The following COMMD1 variants were observed in gnomAD, a reference collection of about 807,000 sequenced individuals.
COMMD1 encodes COMM domain-containing protein 1.
In COMMD1, 10 loss-of-function variants were observed where a neutral mutation model predicts 17.2. That is an observed-to-expected ratio of 0.58 (90% confidence interval 0.36 to 0.99). The LOEUF is 0.99. COMMD1 is among the 50% of genes least tolerant of loss of function. COMMD1 has a pLI of 0.01. For missense variants in COMMD1, 270 were observed against 231.8 expected, an observed-to-expected ratio of 1.17 and a Z score of -1.07; for synonymous variants, 97 against 91.6, an observed-to-expected ratio of 1.06 and a Z score of -0.34.
intron 2 of COMMD1, among the ~76,000 whole-genome samples, chr2:62,040,921 G>A (rs1233356573): frequency 1.3e-5 from 2 of 152,286 alleles, no homozygotes; most frequent in Admixed American, 6.5e-5. Flanking sequence ...ATGTTGGCCA[G>A]GCTGGTCTCA....
chr2:62,048,379 G>A (rs557371144), intron 2 of COMMD1, among the ~76,000 whole-genome samples: 24 of 151,830 alleles, frequency 1.6e-4, no homozygotes, highest in East Asian at 1.5e-3. Flanking sequence ...TAGTAGAGAC[G>A]GGGTTTCACT....
At chr2:62,132,480 G>A (rs1164866352) in intron 2 of COMMD1, among the ~76,000 whole-genome samples, 1 of 152,024 alleles carries the variant, frequency 6.6e-6, no homozygotes, top group Non-Finnish European at 1.5e-5. Flanking sequence ...TTTTATCAAT[G>A]TCCTTAATAT....
intron 2 of COMMD1, among the ~76,000 whole-genome samples, chr2:62,029,910 A>C (rs905401798): frequency 6.6e-6 from 1 of 152,274 alleles, no homozygotes; most frequent in Non-Finnish European, 1.5e-5. Flanking sequence ...ATAGGAAAAA[A>C]GGCATACACA....
Position 61,892,511 on chromosome 2 carries a change from G to A in COMMD1, n.119+3669G>A, listed in dbSNP as rs749696112. On this transcript the variant is annotated intron_variant and non_coding_transcript_variant, in intron 1 of 2. Coordinates refer to the COMMD1 transcript ENST00000472729. ...GGATTGAGACCATCCTGGCTAACAC[G>A]GTGAAACCCTGTCTCTACTAAAAAT... Among the ~76,000 whole-genome samples the A allele has an allele frequency of 2.0e-5, 3 of 151,864 alleles. No individual in the cohort carries two copies. The South Asian group carries it at 6.2e-4, about 32-fold the overall frequency.
chr2:62,095,899 T>A (rs10169186), intron 2 of COMMD1, among the ~76,000 whole-genome samples: 2 of 140,318 alleles, frequency 1.4e-5, no homozygotes, highest in Admixed American at 7.2e-5. Flanking sequence ...GTATATATAA[T>A]CCTGTGTGTA....
rs146033793 is a variant in COMMD1, at chr2:62,031,205, T to G, written c.462+30223T>G. On this transcript the variant is annotated intron_variant, in intron 2 of 2. Coordinates refer to ENST00000311832, the MANE Select transcript of COMMD1 (RefSeq NM_152516.4). ...ACCAACTATTCCTTAAGTCCTCACATTAGTTAGACACAACCAGCCCCAATA... is the reference window on the plus strand; with the variant it reads ...ACCAACTATTCCTTAAGTCCTCACAGTAGTTAGACACAACCAGCCCCAATA... Among the ~76,000 whole-genome samples the G allele has an allele frequency of 3.8e-3, 574 of 152,324 alleles. 6 individuals are homozygous for G. The highest frequency in any genetic ancestry group is 0.013 in the African/African-American group (526 of 41,582).
At chr2:61,963,785 C>T (rs1276580879) in intron 1 of COMMD1, among the ~76,000 whole-genome samples, 1 of 152,184 alleles carries the variant, frequency 6.6e-6, no homozygotes, top group Non-Finnish European at 1.5e-5. Context: ...TCAGAATTGC[C>T]TTGCAGAGTC....
intron 1 of COMMD1, among the ~76,000 whole-genome samples, chr2:61,924,694 C>T (rs545445943): frequency 9.9e-5 from 15 of 152,274 alleles, no homozygotes; most frequent in African/African-American, 2.6e-4. Flanking sequence ...TGTAAAGTCC[C>T]GTTTCAGGCT....
chr2:61,998,922 G>A (rs533598082), intron 1 of COMMD1, among the ~76,000 whole-genome samples: 6 of 152,180 alleles, frequency 3.9e-5, no homozygotes, highest in Admixed American at 3.9e-4. Context: ...GTCTTCTATG[G>A]GCATGTTTCA....
chr2:61,911,281 C>G (rs1669899667), intron 1 of COMMD1, among the ~76,000 whole-genome samples: 1 of 151,952 alleles, frequency 6.6e-6, no homozygotes, highest in African/African-American at 2.4e-5. Flanking sequence ...TTGAGACCAG[C>G]CTGGCCAACA....
chr2:62,028,782 T>C (rs1471426746), intron 2 of COMMD1, among the ~76,000 whole-genome samples: 1 of 152,232 alleles, frequency 6.6e-6, no homozygotes, highest in Admixed American at 6.5e-5. Context: ...AAATATTTCC[T>C]GATTTTGTTC....
At chr2:61,998,285 C>T (rs1161609844) in intron 1 of COMMD1, among the ~76,000 whole-genome samples, 2 of 146,090 alleles carry the variant, frequency 1.4e-5, no homozygotes, top group African/African-American at 2.5e-5. Flanking sequence ...GAGAGTCTCA[C>T]TCTGTCCTCC....
At chr2:61,921,888 G>C (rs571512411) in intron 1 of COMMD1, among the ~76,000 whole-genome samples, 44 of 152,222 alleles carry the variant, frequency 2.9e-4, no homozygotes, top group African/African-American at 1.0e-3. Flanking sequence ...TGGAAGATTG[G>C]TTTTTTAAAC....
At chr2:61,999,917 C>G (rs1358143906) in intron 1 of COMMD1, among the ~76,000 whole-genome samples, 3 of 149,642 alleles carry the variant, frequency 2.0e-5, no homozygotes, top group Non-Finnish European at 4.4e-5. Context: ...CTGTCTGCCC[C>G]CTCCCCCACC....
intron 2 of COMMD1, among the ~76,000 whole-genome samples, chr2:62,073,833 G>A (rs1356954965): frequency 6.6e-6 from 1 of 152,110 alleles, no homozygotes; most frequent in East Asian, 1.9e-4. Context: ...GAAGTAGCTG[G>A]CATCACAGGT....
At chr2:61,975,907 G>T (rs1403639423) in intron 1 of COMMD1, among the ~76,000 whole-genome samples, 2 of 152,108 alleles carry the variant, frequency 1.3e-5, no homozygotes, top group South Asian at 2.1e-4. Context: ...CTTGGTCGTT[G>T]TTCCATGTGA....
intron 1 of COMMD1, among the ~76,000 whole-genome samples, chr2:61,926,699 TC>T (rs1216166546): frequency 2.0e-5 from 3 of 152,214 alleles, no homozygotes; most frequent in Non-Finnish European, 4.4e-5. Flanking sequence ...CTTTACTTCC[TC>T]TTTTCTCATG....
chr2:62,011,129 T>C (rs1669266660), intron 2 of COMMD1, among the ~76,000 whole-genome samples: 1 of 152,232 alleles, frequency 6.6e-6, no homozygotes. Flanking sequence ...GTCTTTTGTT[T>C]TTTTTAATCA....
At chr2:62,012,400 T>C (rs1426068715) in intron 2 of COMMD1, among the ~76,000 whole-genome samples, 1 of 149,236 alleles carries the variant, frequency 6.7e-6, no homozygotes, top group Non-Finnish European at 1.5e-5. Flanking sequence ...CTCACCGCAA[T>C]CTCTGCCTCC....
Sources: allele counts gnomAD v4.1 joint callset (sites outside exome capture counted in the v4.1 genomes callset), GRCh38; gene constraint gnomAD v4.1.1; transcripts MANE v1.5; gene names NCBI Gene and HGNC (gene_info 2026-07-23, HGNC 2026-07-21).